Variants in DCDC1 observed in about 807,000 individuals in gnomAD.
DCDC1 encodes the protein doublecortin domain-containing protein 1.
In DCDC1, 200 loss-of-function variants were observed where a neutral mutation model predicts 178.3. The observed-to-expected ratio is 1.12, with a 90% confidence interval of 1.00 to 1.26. DCDC1 has a LOEUF of 1.26. DCDC1 is among the 50% of genes most tolerant of loss of function. The pLI, the probability that DCDC1 is intolerant of heterozygous loss-of-function variation, is 0.00. For synonymous variants in DCDC1, 690 were observed against 604.8 expected (o/e 1.14, Z -2.07); for missense variants, 1,983 against 1,749.2 (o/e 1.13, Z -2.38).
intron 20 of DCDC1, among the ~76,000 whole-genome samples, chr11:31,004,243 A>T (rs1951721469): frequency 6.6e-6 from 1 of 152,210 alleles, no homozygotes; most frequent in Admixed American, 6.5e-5. Context: ...TTATTGTCAA[A>T]TAGTGTACAA....
At position 31,110,286 on chromosome 11, in the gene DCDC1, T is replaced by A. The variant is rs958498014; in HGVS notation, c.1561A>T (p.Ile521Phe). The A allele has an allele frequency of 2.8e-6, 2 of 716,476 alleles. No individual in the cohort carries two copies. The highest frequency in any genetic ancestry group is 5.1e-5 in the East Asian group (2 of 39,012). The allele number at this position is 716,476 out of a possible 1,614,324, so 44.4% of individuals were successfully genotyped here. A position where few individuals can be genotyped will look rare whatever the true frequency, so the allele number is the denominator to read the frequency against. Residue 521 changes from isoleucine (I) to phenylalanine (F), a missense_variant, in exon 12 of 39, where the codon ATT (isoleucine) becomes TTT (phenylalanine). Transcript: ENST00000684477. ...CTTTCCATCATATGGTCAGTTTGAA[T>A]TGGGCTATCCGATCCCAAATCTTTT... ...SKKDLGSDSP[I>F]QTDHMMERLL...
At chr11:31,243,512 T>C (rs1392303999) in intron 8 of DCDC1, among the ~76,000 whole-genome samples, 2 of 151,754 alleles carry the variant, frequency 1.3e-5, no homozygotes, top group East Asian at 3.9e-4. Flanking sequence ...TTTTATCAGA[T>C]TCTCTACCTA....
chr11:31,328,713 A>T (rs1949781367), intron 2 of DCDC1, among the ~76,000 whole-genome samples: 1 of 151,150 alleles, frequency 6.6e-6, no homozygotes, highest in Non-Finnish European at 1.5e-5. Flanking sequence ...TGGGAGGCTG[A>T]GGCAGGAGAA....
chr11:31,147,563 A>G (rs1964579224), intron 9 of DCDC1, among the ~76,000 whole-genome samples: 1 of 152,188 alleles, frequency 6.6e-6, no homozygotes, highest in South Asian at 2.1e-4. Flanking sequence ...TAACCATTAT[A>G]ATATATGAAG....
chr11:31,315,041 C>G (rs569228303), intron 3 of DCDC1, among the ~76,000 whole-genome samples: 2 of 152,042 alleles, frequency 1.3e-5, no homozygotes, highest in Non-Finnish European at 1.5e-5. Context: ...GGAAGGAGTA[C>G]AGAAAAAAAC....
chr11:31,110,867 T>C (rs1959156587), intron 11 of DCDC1, among the ~76,000 whole-genome samples: 1 of 152,308 alleles, frequency 6.6e-6, no homozygotes, highest in Admixed American at 6.5e-5. Flanking sequence ...ACCTGACAGA[T>C]TTATTGCATA....
chr11:31,037,456 G>A (rs777114031), intron 20 of DCDC1, among the ~76,000 whole-genome samples: 4 of 139,284 alleles, frequency 2.9e-5, no homozygotes, highest in Non-Finnish European at 4.6e-5. Flanking sequence ...TTTTTGAGAA[G>A]GAGTCTCGCT....
Position 31,027,301 on chromosome 11 carries a change from T to A in DCDC1, c.2591+37168A>T, listed in dbSNP as rs566804203. Reference sequence around the variant, plus strand: ...CTTCATAATATTCATGTTGCCTAAATTCTCTGCCTCCAACTCTCATAAAAA... The same window carrying A: ...CTTCATAATATTCATGTTGCCTAAAATCTCTGCCTCCAACTCTCATAAAAA... On this transcript the variant is annotated intron_variant, in intron 20 of 38. Coordinates refer to ENST00000684477, the MANE Select transcript of DCDC1 (RefSeq NM_001387274.1). Among the ~76,000 whole-genome samples, 5 of 151,916 alleles carry A rather than the reference T, an allele frequency of 3.3e-5. No homozygotes were observed. In the South Asian group the frequency reaches 1.0e-3, roughly 32 times the overall value.
chr11:30,878,636 A>G lies in DCDC1; in HGVS notation c.5309T>C (p.Ile1770Thr), dbSNP rs746731519. The change falls in exon 38 of 39, where the codon ATT (isoleucine) becomes ACT (threonine). Residue 1770 changes from isoleucine (I) to threonine (T), a missense_variant. Ile to Thr is a moderately conservative substitution (Grantham distance 89, BLOSUM62 -1). Coordinates refer to ENST00000684477, the MANE Select transcript of DCDC1 (RefSeq NM_001387274.1). Reference sequence around the variant, plus strand: ...CAGCTTCGTGGATGGTGACACCACAATGTCTGTGGCTTGAGGGCCCTGCTG... The same window carrying G: ...CAGCTTCGTGGATGGTGACACCACAGTGTCTGTGGCTTGAGGGCCCTGCTG... The part of the protein sequence containing the change: ...RRQQGPQATD[I>T]VVSPSTKLLS... 59 of 1,611,826 alleles carry G rather than the reference A, an allele frequency of 3.7e-5. No individual in the cohort carries two copies. Among genetic ancestry groups the G allele is most frequent in the Non-Finnish European group, 5.1e-6 (6 of 1,178,964 alleles).
chr11:30,988,023 G>T (rs1950752092), intron 20 of DCDC1, among the ~76,000 whole-genome samples: 1 of 152,100 alleles, frequency 6.6e-6, no homozygotes, highest in Non-Finnish European at 1.5e-5. Flanking sequence ...AGGAGATTAG[G>T]TCACAGAGGT....
chr11:31,196,203 AG>A (rs1487992237), intron 9 of DCDC1, among the ~76,000 whole-genome samples: 1 of 151,986 alleles, frequency 6.6e-6, no homozygotes, highest in Non-Finnish European at 1.5e-5. Flanking sequence ...ACTGATAATG[AG>A]GGTAGAAAGG....
At chr11:30,889,257 A>G (rs1943568808) in intron 36 of DCDC1, among the ~76,000 whole-genome samples, 1 of 152,198 alleles carries the variant, frequency 6.6e-6, no homozygotes, top group Non-Finnish European at 1.5e-5. Context: ...ATGACTGATG[A>G]GCCGACAACA....
At chr11:30,978,799 C>A in intron 20 of DCDC1, among the ~76,000 whole-genome samples, 1 of 47,518 alleles carries the variant, frequency 2.1e-5, no homozygotes, top group Non-Finnish European at 7.1e-5. Flanking sequence ...CACACACACA[C>A]ACACACACAC....
At chr11:30,887,190 C>T (rs1292733098) in intron 36 of DCDC1, among the ~76,000 whole-genome samples, 1 of 152,118 alleles carries the variant, frequency 6.6e-6, no homozygotes, top group Non-Finnish European at 1.5e-5. Context: ...ATAGACTAAG[C>T]TCTGGCTGAA....
At chr11:31,366,278 A>T in intron 1 of DCDC1, among the ~76,000 whole-genome samples, 1 of 152,212 alleles carries the variant, frequency 6.6e-6, no homozygotes, top group Non-Finnish European at 1.5e-5. Flanking sequence ...TAAAATGGAT[A>T]AATTGCCTTT....
In DCDC1 at chr11:31,367,861, A is replaced by G. The variant is rs548333247; in HGVS notation, c.-125+1836T>C. 3.9e-5 allele frequency among the ~76,000 whole-genome samples: 6 copies of G among 152,376 alleles called. No homozygotes were observed. In the East Asian group the frequency reaches 1.2e-3, roughly 29 times the overall value. On this transcript the variant is annotated intron_variant, in intron 1 of 38. Coordinates refer to ENST00000684477, the MANE Select transcript of DCDC1 (RefSeq NM_001387274.1). Reference sequence around the variant, plus strand: ...AATTTATGTAAAAATTGTTTTAAGAAGTTTATTTTGGTATAAGCAGAGTGT... The same window carrying G: ...AATTTATGTAAAAATTGTTTTAAGAGGTTTATTTTGGTATAAGCAGAGTGT...
chr11:31,274,803 T>G (rs1296208372), intron 7 of DCDC1, among the ~76,000 whole-genome samples: 1 of 151,310 alleles, frequency 6.6e-6, no homozygotes, highest in Non-Finnish European at 1.5e-5. Flanking sequence ...CAGGTTCAAG[T>G]GATTCTCCTG....
chr11:30,874,358 A>C (rs1941923541), intron 38 of DCDC1, among the ~76,000 whole-genome samples: 1 of 152,166 alleles, frequency 6.6e-6, no homozygotes, highest in Admixed American at 6.6e-5. Flanking sequence ...TCTTGTGCAC[A>C]CTCAAATTTG....
chr11:31,362,333 A>AT (rs1951749778), intron 1 of DCDC1, among the ~76,000 whole-genome samples: 1 of 152,202 alleles, frequency 6.6e-6, no homozygotes, highest in African/African-American at 2.4e-5. Flanking sequence ...GCAGACTAGG[A>AT]TTTATACTAC....
Sources: gnomAD v4.1 joint callset for allele counts (sites outside exome capture counted in the v4.1 genomes callset) on GRCh38, gnomAD v4.1.1 for gene constraint, MANE v1.5 for transcripts, NCBI Gene and HGNC (gene_info 2026-07-23, HGNC 2026-07-21) for gene names.